Variants in FKBP5 observed in about 807,000 individuals in gnomAD.
FKBP5 encodes the protein peptidyl-prolyl cis-trans isomerase FKBP5.
FKBP5 carries 23 observed loss-of-function variants against 50.5 expected under a neutral mutation model. The ratio of observed to expected loss-of-function variants is 0.46; its 90% confidence interval spans 0.33 to 0.65. The LOEUF is 0.65. Among genes scored for constraint, FKBP5 ranks in the 30% least tolerant of loss-of-function variants. The pLI is 0.02. For synonymous variants in FKBP5, 176 were observed against 190.6 expected, an observed-to-expected ratio of 0.92 and a Z score of 0.63; for missense variants, 411 against 553.1, an observed-to-expected ratio of 0.74 and a Z score of 2.58.
chr6:35,726,493 C>A (rs544526567), intron 1 of FKBP5, among the ~76,000 whole-genome samples: 2 of 151,104 alleles, frequency 1.3e-5, no homozygotes, highest in South Asian at 4.2e-4. Flanking sequence ...GTGGTGATGT[C>A]AAGCAGAATG....
At chr6:35,620,433 T>A (rs150099351) in intron 3 of FKBP5, among the ~76,000 whole-genome samples, 159 bp from the exon 4 acceptor site, 42 of 152,208 alleles carry the variant, frequency 2.8e-4, no homozygotes, top group Middle Eastern at 3.4e-3. Flanking sequence ...ATAAATAAAT[T>A]ATTTTTTTTG....
intron 1 of FKBP5, among the ~76,000 whole-genome samples, chr6:35,652,809 C>T (rs1208447530): frequency 6.6e-6 from 1 of 152,206 alleles, no homozygotes; most frequent in Non-Finnish European, 1.5e-5. Context: ...ACTCCCTCCC[C>T]TTTTGAAAAT....
At chr6:35,717,593 G>GT (rs1476027630) in intron 2 of FKBP5, among the ~76,000 whole-genome samples, 1 of 152,240 alleles carries the variant, frequency 6.6e-6, no homozygotes, top group African/African-American at 2.4e-5. Flanking sequence ...CAGGGGAGCT[G>GT]TGGGAGCGTG....
At position 35,575,881 on chromosome 6, in the gene FKBP5, G is replaced by T. The variant is rs752983745; in HGVS notation, c.1328C>A (p.Thr443Lys). The change falls in exon 11 of 11, where the codon ACA becomes AAA. Residue 443 changes from threonine (T) to lysine (K), a missense_variant. Thr to Lys is a moderately conservative substitution (Grantham distance 78, BLOSUM62 -1). Coordinates refer to ENST00000357266, the MANE Select transcript of FKBP5 (RefSeq NM_004117.4). ...CTCTTCTTCCATTGCTTGACTGTCTGTTCCTTTTTCATTAGTGACCCCTTC... is the reference window on the plus strand; with the variant it reads ...CTCTTCTTCCATTGCTTGACTGTCTTTTCCTTTTTCATTAGTGACCCCTTC... ...TSEGVTNEKG[T>K]DSQAMEEEKP... is the part of the protein sequence containing the mutation. 1 of 1,613,982 alleles carries T rather than the reference G, an allele frequency of 6.2e-7. No homozygotes were observed. Among genetic ancestry groups the T allele is most frequent in the Non-Finnish European group, 8.5e-7 (1 of 1,179,930 alleles).
At chr6:35,702,655 T>C (rs1029417864) in intron 2 of FKBP5, among the ~76,000 whole-genome samples, 1 of 151,966 alleles carries the variant, frequency 6.6e-6, no homozygotes, top group African/African-American at 2.4e-5. Context: ...GGTTTCACCG[T>C]GTTAGCCAGG....
At chr6:35,638,875 G>A (rs1764399129) in intron 2 of FKBP5, among the ~76,000 whole-genome samples, 1 of 152,166 alleles carries the variant, frequency 6.6e-6, no homozygotes, top group Admixed American at 6.5e-5. Context: ...ATGCTCAACT[G>A]TAAGCCTCAC....
At chr6:35,644,350 C>A (rs529297755) in intron 1 of FKBP5, among the ~76,000 whole-genome samples, 55 of 152,216 alleles carry the variant, frequency 3.6e-4, no homozygotes, top group Non-Finnish European at 7.3e-4. Context: ...ATCTCCTGAG[C>A]CTTCTTGTCT....
chr6:35,661,404 C>T lies in FKBP5; in HGVS notation c.-19-18561G>A, dbSNP rs1235040116. 4.8e-5 allele frequency among the ~76,000 whole-genome samples: 4 copies of T among 84,190 alleles called. 2 individuals carry two copies. Among genetic ancestry groups the T allele is most frequent in the African/African-American group, 1.5e-4 (4 of 27,222 alleles). The allele number at this position is 84,190 out of a possible 152,430, so 55.2% of individuals were successfully genotyped here. A position where few individuals can be genotyped will look rare whatever the true frequency, so the allele number is the denominator to read the frequency against. ...CATAATTCATGAATGATATACATTCCTTCCAACTTATTAATACTATATAAC... is the reference window on the plus strand; with the variant it reads ...CATAATTCATGAATGATATACATTCTTTCCAACTTATTAATACTATATAAC... On this transcript the variant is annotated intron_variant, in intron 1 of 10. Coordinates refer to ENST00000357266, the MANE Select transcript of FKBP5 (RefSeq NM_004117.4).
chr6:35,618,304 T>G (rs1156359741), intron 5 of FKBP5, among the ~76,000 whole-genome samples: 1 of 152,228 alleles, frequency 6.6e-6, no homozygotes, highest in Non-Finnish European at 1.5e-5. Flanking sequence ...TAGAGGCTGG[T>G]AGCATGCCTG....
intron 2 of FKBP5, among the ~76,000 whole-genome samples, chr6:35,705,258 ATTTTTTTTT>A (rs199875825): frequency 7.4e-3 from 57 of 7,688 alleles, no homozygotes; most frequent in East Asian, 0.01. Flanking sequence ...ATATATATAT[ATTTTTTTTT>A]TTTTTTTTTT....
At chr6:35,586,901 C>T in intron 8 of FKBP5, 133 bp downstream of exon 8, 3 of 1,502,968 alleles carry the variant, frequency 2.0e-6, no homozygotes, top group South Asian at 1.3e-5. Context: ...TTGAAAATGA[C>T]AGATTTATAA....
At chr6:35,608,646 C>T (rs1308118307) in intron 5 of FKBP5, among the ~76,000 whole-genome samples, 1 of 152,142 alleles carries the variant, frequency 6.6e-6, no homozygotes, top group Non-Finnish European at 1.5e-5. Flanking sequence ...ACAACTGTGC[C>T]ACTGCATGCC....
chr6:35,685,924 A>G (rs1367566275), intron 1 of FKBP5, among the ~76,000 whole-genome samples: 8 of 149,426 alleles, frequency 5.4e-5, no homozygotes, highest in Non-Finnish European at 1.2e-4. Context: ...AGAGGTTGCA[A>G]TGAGCCGAGA....
chr6:35,662,953 G>A (rs759878269), intron 1 of FKBP5, among the ~76,000 whole-genome samples: 3 of 152,168 alleles, frequency 2.0e-5, no homozygotes, highest in Admixed American at 6.5e-5. Flanking sequence ...TTATTAGGTA[G>A]AAGAGAGCTA....
At chr6:35,645,494 AAAG>A (rs1324702815) in intron 1 of FKBP5, among the ~76,000 whole-genome samples, 6 of 152,184 alleles carry the variant, frequency 3.9e-5, no homozygotes, top group African/African-American at 1.4e-4. Context: ...GTTCCAGATT[AAAG>A]GAGACTATAG....
At chr6:35,671,191 G>T (rs949458766) in intron 1 of FKBP5, among the ~76,000 whole-genome samples, 1 of 151,828 alleles carries the variant, frequency 6.6e-6, no homozygotes, top group Admixed American at 6.6e-5. Flanking sequence ...TTGAGCCAGG[G>T]AGGTAGAAGT....
intron 5 of FKBP5, among the ~76,000 whole-genome samples, chr6:35,601,933 C>T (rs1444073499): frequency 6.6e-6 from 1 of 152,082 alleles, no homozygotes; most frequent in African/African-American, 2.4e-5. Context: ...CCTCCAAATC[C>T]CCACAAAGTC....
rs149106516 is a variant in FKBP5, at chr6:35,597,821, A to G, written c.509-417T>C. Among the ~76,000 whole-genome samples, 5 of 152,354 alleles carry G rather than the reference A, an allele frequency of 3.3e-5. No individual in the cohort carries two copies. The East Asian group carries it at 9.6e-4, about 29-fold the overall frequency. On this transcript the variant is annotated intron_variant, in intron 5 of 10. Transcript: ENST00000357266. ...CATCTTGGCTTCAGATGCTTGGGCC[A>G]AAAAGCCAACTAAATGGCTATTTCT...
chr6:35,710,394 G>C (rs1043769788), intron 2 of FKBP5, among the ~76,000 whole-genome samples: 1 of 152,040 alleles, frequency 6.6e-6, no homozygotes, highest in Admixed American at 6.6e-5. Flanking sequence ...TGAGCCCAGG[G>C]AGGTTGAGGC....
Sources: allele counts gnomAD v4.1 joint callset (sites outside exome capture counted in the v4.1 genomes callset), GRCh38; gene constraint gnomAD v4.1.1; transcripts MANE v1.5; gene names NCBI Gene and HGNC (gene_info 2026-07-23, HGNC 2026-07-21).